GLMN: variants seen among roughly 807,000 people sequenced by gnomAD.
GLMN encodes the protein glomulin, FKBP associated protein, also known as glomulin.
In GLMN, 75 loss-of-function variants were observed where a neutral mutation model predicts 87.8. The observed-to-expected ratio is 0.85, with a 90% CI of 0.71 to 1.04. The LOEUF is 1.04. Among genes scored for constraint, GLMN ranks in the 50% least tolerant of loss-of-function variants. GLMN has a pLI of 0.00. For missense variants in GLMN, 588 were observed against 658.8 expected (o/e 0.89, Z 1.18); for synonymous variants, 206 against 221.6 (o/e 0.93, Z 0.63).
the GLMN span, among the ~76,000 whole-genome samples, chr1:92,342,387 G>A: frequency 6.6e-6 from 1 of 152,348 alleles, no homozygotes; most frequent in Admixed American, 6.5e-5. Context: ...GCAGAGGCAA[G>A]AGTAGAGAGA....
At chr1:92,278,602 A>G (rs1462987253) in intron 7 of GLMN, among the ~76,000 whole-genome samples, 1 of 152,142 alleles carries the variant, frequency 6.6e-6, no homozygotes, top group Non-Finnish European at 1.5e-5. Context: ...TGTATTTTTC[A>G]TCTATACCCA....
At chr1:92,307,158 A>G in the GLMN span, 1 of 1,501,352 alleles carries the variant, frequency 6.7e-7, no homozygotes, top group Non-Finnish European at 9.2e-7. Context: ...CATGATAAGA[A>G]AAAAACTAGA....
chr1:92,299,005 C>T (rs1343100959), upstream of GLMN: 5 of 780,508 alleles, frequency 6.4e-6, no homozygotes, highest in African/African-American at 1.8e-5. Flanking sequence ...CCCCGCGCTA[C>T]GCGTAGGGAG....
intron 13 of GLMN, 79 bp downstream of exon 13, chr1:92,266,340 T>A: frequency 3.8e-6 from 3 of 790,676 alleles, no homozygotes; most frequent in Non-Finnish European, 4.6e-6. Context: ...CGACATACTA[T>A]GCCCTAAAAC....
chr1:92,299,128 T>G, upstream of GLMN: 1 of 1,521,196 alleles, frequency 6.6e-7, no homozygotes, highest in African/African-American at 1.4e-5. Flanking sequence ...GGCTCCCCGC[T>G]GCTCTCGAAA....
At chr1:92,348,825 C>T in the GLMN span, among the ~76,000 whole-genome samples, 9 of 152,206 alleles carry the variant, frequency 5.9e-5, no homozygotes, top group Non-Finnish European at 7.3e-5. Context: ...TTCCACCCCT[C>T]TTCTCCCCCT....
At chr1:92,259,879 A>G (rs557090602) in intron 16 of GLMN, among the ~76,000 whole-genome samples, 13 of 151,154 alleles carry the variant, frequency 8.6e-5, no homozygotes, top group South Asian at 4.2e-4. Context: ...AACTATAGGC[A>G]CCCGCCACCA....
intron 16 of GLMN, among the ~76,000 whole-genome samples, chr1:92,258,965 T>TATTA (rs551626840): frequency 6.2e-4 from 95 of 152,286 alleles, no homozygotes; most frequent in South Asian, 2.3e-3. Context: ...TATGTGTATT[T>TATTA]ATTATACAAG....
chr1:92,256,115 T>C (rs2100821512), intron 16 of GLMN, among the ~76,000 whole-genome samples: 1 of 152,178 alleles, frequency 6.6e-6, no homozygotes, highest in East Asian at 1.9e-4. Flanking sequence ...GAGAATACTA[T>C]AAACACCTCT....
At chr1:92,346,877 T>G in the GLMN span, among the ~76,000 whole-genome samples, 2 of 152,234 alleles carry the variant, frequency 1.3e-5, no homozygotes, top group Admixed American at 6.5e-5. Context: ...TTACTGTTGC[T>G]GCTTGGTGCT....
the GLMN span, among the ~76,000 whole-genome samples, chr1:92,319,042 TA>T: frequency 2.6e-5 from 4 of 152,008 alleles, no homozygotes; most frequent in African/African-American, 9.7e-5. Context: ...TTACATGCTT[TA>T]AAAAAGAGAA....
the GLMN span, among the ~76,000 whole-genome samples, chr1:92,356,585 AT>A: frequency 0.11 from 5,896 of 51,724 alleles, 397 homozygotes; most frequent in African/African-American, 0.26. Flanking sequence ...CTCCTGGCTA[AT>A]TTTTTTTTTT....
At chr1:92,319,536 GT>G in the GLMN span, among the ~76,000 whole-genome samples, 3 of 152,188 alleles carry the variant, frequency 2.0e-5, no homozygotes, top group African/African-American at 7.2e-5. Flanking sequence ...GAAGGCTGAG[GT>G]GGGGGCAGTG....
At chr1:92,246,937 C>G in intron 18 of GLMN, 125 bp downstream of exon 18, 1 of 738,778 alleles carries the variant, frequency 1.4e-6, no homozygotes, top group Non-Finnish European at 2.4e-6. Flanking sequence ...GTGGGTGGAT[C>G]ACTTGAGCCC....
the GLMN span, among the ~76,000 whole-genome samples, chr1:92,363,105 A>G: frequency 6.6e-6 from 1 of 152,180 alleles, no homozygotes; most frequent in Non-Finnish European, 1.5e-5. Flanking sequence ...AAGCCTTTTT[A>G]TAATTTGAAG....
intron 3 of GLMN, among the ~76,000 whole-genome samples, chr1:92,296,385 TAAC>T (rs957112884): frequency 7.9e-5 from 12 of 152,210 alleles, no homozygotes; most frequent in Admixed American, 3.3e-4. Context: ...TCAGGAAACT[TAAC>T]AATCATGGCG....
chr1:92,267,380 C>T (rs1015486146), intron 11 of GLMN, among the ~76,000 whole-genome samples: 2 of 152,092 alleles, frequency 1.3e-5, no homozygotes, highest in African/African-American at 4.8e-5. Context: ...AATAGCTATT[C>T]GTGTTTAAAT....
In GLMN at chr1:92,269,773, T is replaced by C. The variant is rs751849705; in HGVS notation, c.927A>G (p.Pro309=). Residue 309 remains proline (P), a synonymous_variant, in exon 9 of 19, where the codon CCA becomes CCG. Transcript: ENST00000370360. ...HIDQLPMVLS[P]LYLLQFNMGH... ...CCATATTAAACTGCAAAAGGTACAA[T>C]GGGCTAAAATAGAAACAAAACAAAT... is the stretch of plus-strand genomic sequence containing the variant. 3.1e-6 allele frequency: 5 copies of C among 1,594,362 alleles called. No individual in the cohort carries two copies. In the African/African-American group the frequency reaches 6.7e-5, roughly 21 times the overall value.
At position 92,271,640 on chromosome 1, in the gene GLMN, C is replaced by T; in HGVS notation, c.748G>A (p.Ala250Thr). The stretch of plus-strand genomic sequence containing the variant: ...ATTTTGGGGAAAGGGTGTCCAATTG[C>T]TGATAAAAAACCCTATGAAATGGAT... Reference protein sequence around the residue: ...FASEIIGFLSAIGHPFPKMIF... With the variant: ...FASEIIGFLSTIGHPFPKMIF... The change falls in exon 8 of 19, where the codon GCA becomes ACA. Residue 250 changes from alanine to threonine, a missense_variant. Coordinates refer to ENST00000370360, the MANE Select transcript of GLMN (RefSeq NM_053274.3). 1.9e-6 allele frequency: 3 copies of T among 1,610,738 alleles called. No individual in the cohort carries two copies. The highest frequency in any genetic ancestry group is 2.5e-6 in the Non-Finnish European group (3 of 1,177,186).
Sources: gnomAD v4.1 joint callset for allele counts (sites outside exome capture counted in the v4.1 genomes callset) on GRCh38, gnomAD v4.1.1 for gene constraint, MANE v1.5 for transcripts, NCBI Gene and HGNC (gene_info 2026-07-23, HGNC 2026-07-21) for gene names.